SCGB2B2: variants seen among roughly 807,000 people sequenced by gnomAD.
The protein encoded by SCGB2B2 is secretoglobin family 2B member 2.
SCGB2B2 carries 11 observed loss-of-function variants against 7.6 expected under a neutral mutation model. That is an observed-to-expected ratio of 1.45 (90% CI 0.91 to 2.40). SCGB2B2 has a LOEUF of 2.40. SCGB2B2 is among the 30% of genes most tolerant of loss of function. The pLI is 0.00. For synonymous variants in SCGB2B2, 50 were observed against 48.6 expected, an observed-to-expected ratio of 1.03 and a Z score of -0.12; for missense variants, 104 against 115.4, an observed-to-expected ratio of 0.90 and a Z score of 0.45.
chr19:34,677,011 C>T lies in SCGB2B2; in HGVS notation c.-3413G>A, dbSNP rs1038029141. ...CAAGTTCAGTATTTCCAAGTCCTTCCAGGGGCGTAACGCACGTCAGAACGG... is the reference window on the plus strand; with the variant it reads ...CAAGTTCAGTATTTCCAAGTCCTTCTAGGGGCGTAACGCACGTCAGAACGG... On this transcript the variant is annotated 5_prime_UTR_variant, in exon 1 of 4. Transcript: ENST00000601241. 2.6e-5 allele frequency: 4 copies of T among 152,032 alleles called. No individual in the cohort carries two copies. Among genetic ancestry groups the T allele is most frequent in the African/African-American group, 9.7e-5 (4 of 41,368 alleles). The allele number at this position is 152,032 out of a possible 1,614,324, so 9.4% of individuals were successfully genotyped here. A position where few individuals can be genotyped will look rare whatever the true frequency, so the allele number is the denominator to read the frequency against.
chr19:34,612,720 T>C (rs1384874798), intron 1 of SCGB2B2, among the ~76,000 whole-genome samples: 1 of 152,214 alleles, frequency 6.6e-6, no homozygotes, highest in African/African-American at 2.4e-5. Flanking sequence ...CAATTTTCTG[T>C]GTAGATGACC....
At chr19:34,656,212 G>A (rs772764976) in intron 1 of SCGB2B2, among the ~76,000 whole-genome samples, 1 of 151,326 alleles carries the variant, frequency 6.6e-6, no homozygotes, top group African/African-American at 2.5e-5. Context: ...ATTATTTGAT[G>A]TAATTTAACA....
At chr19:34,631,734 A>G (rs10425183) in intron 1 of SCGB2B2, among the ~76,000 whole-genome samples, 14,431 of 152,198 alleles carry the variant, frequency 0.095, 799 homozygotes, top group South Asian at 0.19. Flanking sequence ...CAAAATCCAC[A>G]ATACTTTTAT....
chr19:34,590,598 A>C (rs1001373462), downstream of SCGB2B2, among the ~76,000 whole-genome samples: 1 of 152,248 alleles, frequency 6.6e-6, no homozygotes, highest in Non-Finnish European at 1.5e-5. Context: ...GAGAAGCTCC[A>C]TATAGTGCTA....
intron 1 of SCGB2B2, among the ~76,000 whole-genome samples, chr19:34,643,822 G>A (rs748296773): frequency 6.6e-6 from 1 of 151,776 alleles, no homozygotes; most frequent in African/African-American, 2.4e-5. Flanking sequence ...TTAATTTAAG[G>A]AGAAAAATTG....
intron 1 of SCGB2B2, among the ~76,000 whole-genome samples, chr19:34,669,020 G>C (rs2067724972): frequency 6.6e-6 from 1 of 152,076 alleles, no homozygotes; most frequent in Non-Finnish European, 1.5e-5. Flanking sequence ...TCTTGCTACT[G>C]CTCACTCTTT....
intron 1 of SCGB2B2, among the ~76,000 whole-genome samples, chr19:34,604,045 A>G (rs1427401287): frequency 6.6e-6 from 1 of 151,982 alleles, no homozygotes; most frequent in Non-Finnish European, 1.5e-5. Context: ...CCTTTAGGTA[A>G]GTTTGTCAGT....
chr19:34,589,597 G>C (rs541778111), downstream of SCGB2B2, among the ~76,000 whole-genome samples: 1 of 152,300 alleles, frequency 6.6e-6, no homozygotes, highest in Admixed American at 6.5e-5. Context: ...CTGCAGGGAG[G>C]AGTGGAGGGG....
At chr19:34,617,610 A>G (rs1270129115) in intron 1 of SCGB2B2, among the ~76,000 whole-genome samples, 1 of 152,184 alleles carries the variant, frequency 6.6e-6, no homozygotes, top group Non-Finnish European at 1.5e-5. Context: ...TTTTCAAGAT[A>G]TACAATCATG....
chr19:34,633,295 G>C (rs1015174679), intron 1 of SCGB2B2, among the ~76,000 whole-genome samples: 2 of 152,160 alleles, frequency 1.3e-5, no homozygotes, highest in Middle Eastern at 3.2e-3. Flanking sequence ...TTACTCCTAG[G>C]TATTAACATA....
intron 1 of SCGB2B2, among the ~76,000 whole-genome samples, chr19:34,606,445 G>C (rs1198181649): frequency 1.3e-5 from 2 of 151,844 alleles, no homozygotes; most frequent in African/African-American, 4.8e-5. Flanking sequence ...AGGGTGGGGA[G>C]ATTATTTGAG....
rs188213144 is a variant in SCGB2B2 at position 34,627,335 on chromosome 19, C to T, written c.-2031-30741G>A. The stretch of plus-strand genomic sequence containing the variant: ...TGGCAAATTGGATAAAGAGTCAAGA[C>T]CCATCATTGTGCTGTATTCAGGAGA... On this transcript the variant is annotated intron_variant, in intron 1 of 3. Transcript: ENST00000601241. Among the ~76,000 whole-genome samples, 14 of 152,266 alleles carry T rather than the reference C, an allele frequency of 9.2e-5. No individual in the cohort carries two copies. The East Asian group carries it at 2.5e-3, about 27-fold the overall frequency.
rs2065328612 is a variant in SCGB2B2 at position 34,592,659 on chromosome 19, G to A, written c.*896C>T. Among the ~76,000 whole-genome samples the A allele has an allele frequency of 6.6e-6, 1 of 152,124 alleles. No homozygotes were observed. Among genetic ancestry groups the A allele is most frequent in the Non-Finnish European group, 1.5e-5 (1 of 68,008 alleles). On this transcript the variant is annotated 3_prime_UTR_variant, in exon 4 of 4. Coordinates refer to ENST00000601241, the MANE Select transcript of SCGB2B2 (RefSeq NM_001025591.4). ...ATTGAAGGCCACTGAGACCTCCATCGAGGATGAAATCAACTGAGGGGTGAG... is the reference window on the plus strand; with the variant it reads ...ATTGAAGGCCACTGAGACCTCCATCAAGGATGAAATCAACTGAGGGGTGAG...
chr19:34,658,834 A>AAAAAAAG (rs1555749405), intron 1 of SCGB2B2, among the ~76,000 whole-genome samples: 72 of 118,664 alleles, frequency 6.1e-4, no homozygotes, highest in Non-Finnish European at 1.2e-3. Flanking sequence ...AAAAAAAAAA[A>AAAAAAAG]AGAGAGAGAA....
At chr19:34,647,281 C>T (rs949476213) in intron 1 of SCGB2B2, among the ~76,000 whole-genome samples, 1 of 152,190 alleles carries the variant, frequency 6.6e-6, no homozygotes, top group Non-Finnish European at 1.5e-5. Flanking sequence ...ATTTCGTCCT[C>T]GCTGGAGGTC....
chr19:34,624,596 A>G (rs1049801893), intron 1 of SCGB2B2, among the ~76,000 whole-genome samples: 1 of 152,170 alleles, frequency 6.6e-6, no homozygotes, highest in African/African-American at 2.4e-5. Context: ...AAAAGAAAAG[A>G]AAGGAAGAAA....
intron 1 of SCGB2B2, among the ~76,000 whole-genome samples, chr19:34,600,110 G>A (rs1047671181): frequency 6.6e-6 from 1 of 151,938 alleles, no homozygotes; most frequent in African/African-American, 2.4e-5. Context: ...GTGCCATGTT[G>A]GTGTGCTGCA....
chr19:34,633,048 C>G (rs1416831958), intron 1 of SCGB2B2: 1 of 152,300 alleles, frequency 6.6e-6, no homozygotes, highest in Non-Finnish European at 1.5e-5. Flanking sequence ...CTTACTCTGC[C>G]CTGCCTGGTC....
At position 34,593,543 on chromosome 19, in the gene SCGB2B2, G is replaced by C. The variant is rs2065353860; in HGVS notation, c.*12C>G. 1.3e-6 allele frequency: 2 copies of C among 1,548,952 alleles called. No homozygotes were observed. Among genetic ancestry groups the C allele is most frequent in the East Asian group, 2.4e-5 (1 of 41,064 alleles). ...CAGGAGGGCCAATATCTGATCTGCA[G>C]GGGTCCTCAGATCAGAAGGCTGCTT... On this transcript the variant is annotated 3_prime_UTR_variant, in exon 4 of 4. Coordinates refer to ENST00000601241, the MANE Select transcript of SCGB2B2 (RefSeq NM_001025591.4).
Sources: allele counts gnomAD v4.1 joint callset (sites outside exome capture counted in the v4.1 genomes callset), GRCh38; gene constraint gnomAD v4.1.1; transcripts MANE v1.5; gene names NCBI Gene and HGNC (gene_info 2026-07-23, HGNC 2026-07-21).